PDZRN4: variants seen among roughly 807,000 people sequenced by gnomAD.
The protein encoded by PDZRN4 is PDZ domain containing ring finger 4, also known as PDZ domain-containing RING finger protein 4.
PDZRN4 carries 70 observed loss-of-function variants against 99.0 expected under a neutral mutation model. The ratio of observed to expected loss-of-function variants is 0.71; its 90% CI spans 0.58 to 0.86. The LOEUF is 0.86. Among genes scored for constraint, PDZRN4 ranks in the 40% least tolerant of loss-of-function variants. The probability of loss-of-function intolerance (pLI) is 0.00; values close to 1 mark genes in which losing one functional copy is unlikely to be tolerated. For missense variants in PDZRN4, 1,474 were observed against 1,331.2 expected (o/e 1.11, Z -1.67); for synonymous variants, 551 against 501.6 (o/e 1.10, Z -1.32).
Position 41,573,036 on chromosome 12 carries a change from G to C in PDZRN4, c.2257G>C (p.Asp753His). The C allele has an allele frequency of 5.0e-6, 8 of 1,614,106 alleles. No homozygotes were observed. Among genetic ancestry groups the C allele is most frequent in the Non-Finnish European group, 6.8e-6 (8 of 1,180,006 alleles). Reference protein sequence around the residue: ...ESCRSTPLTVDRSPDSSLPRV... With the variant: ...ESCRSTPLTVHRSPDSSLPRV... ...CTGCAGAAGTACTCCGCTCACTGTA[G>C]ACCGTTCCCCTGACAGTTCCCTTCC... The change falls in exon 10 of 10, where the codon GAC becomes CAC. Residue 753 changes from aspartate to histidine, a missense_variant. Physicochemically the swap from Asp to His is moderately conservative, Grantham distance 81. Transcript: ENST00000402685.
chr12:41,525,055 GA>G (rs1938547845), intron 5 of PDZRN4, among the ~76,000 whole-genome samples: 2 of 152,158 alleles, frequency 1.3e-5, no homozygotes, highest in Non-Finnish European at 2.9e-5. Flanking sequence ...CTGAGGGAGG[GA>G]AAGTGTGGTG....
At chr12:41,237,568 C>T (rs2120774421) in intron 3 of PDZRN4, among the ~76,000 whole-genome samples, 1 of 152,198 alleles carries the variant, frequency 6.6e-6, no homozygotes, top group South Asian at 2.1e-4. Flanking sequence ...ATGGTATTGC[C>T]TAGATTTTCT....
intron 3 of PDZRN4, among the ~76,000 whole-genome samples, chr12:41,475,932 G>C (rs1953039198): frequency 6.6e-6 from 1 of 152,064 alleles, no homozygotes; most frequent in Admixed American, 6.6e-5. Context: ...TTAAGCTATA[G>C]TTCCACATGT....
chr12:41,222,168 T>C (rs907821903), intron 3 of PDZRN4, among the ~76,000 whole-genome samples: 1 of 152,202 alleles, frequency 6.6e-6, no homozygotes, highest in East Asian at 1.9e-4. Context: ...ATGCAGACTA[T>C]CGGAAATTGT....
chr12:41,448,588 G>A (rs1313317386), intron 3 of PDZRN4, among the ~76,000 whole-genome samples: 10 of 152,120 alleles, frequency 6.6e-5, no homozygotes, highest in Non-Finnish European at 1.5e-5. Flanking sequence ...TACAAATTGA[G>A]TCAAAGAATA....
At chr12:41,502,662 C>T (rs1938131662) in intron 3 of PDZRN4, among the ~76,000 whole-genome samples, 1 of 151,980 alleles carries the variant, frequency 6.6e-6, no homozygotes, top group African/African-American at 2.4e-5. Context: ...AAATGGGACT[C>T]CTTTAATGGA....
chr12:41,362,569 T>A (rs1008263196), intron 3 of PDZRN4, among the ~76,000 whole-genome samples: 8 of 152,060 alleles, frequency 5.3e-5, no homozygotes, highest in African/African-American at 1.9e-4. Flanking sequence ...AGTAGCCTAA[T>A]GATCCTGCAA....
At chr12:41,317,569 TG>T (rs1951647047) in intron 3 of PDZRN4, among the ~76,000 whole-genome samples, 1 of 152,178 alleles carries the variant, frequency 6.6e-6, no homozygotes, top group South Asian at 2.1e-4. Flanking sequence ...ATCGTGAGAT[TG>T]TTTTTTTCCT....
chr12:41,328,768 A>G (rs535478193), intron 3 of PDZRN4, among the ~76,000 whole-genome samples: 1 of 152,238 alleles, frequency 6.6e-6, no homozygotes, highest in African/African-American at 2.4e-5. Context: ...CTGTGACTCA[A>G]AACAAACAAG....
At chr12:41,272,181 C>T (rs1374557598) in intron 3 of PDZRN4, among the ~76,000 whole-genome samples, 1 of 151,884 alleles carries the variant, frequency 6.6e-6, no homozygotes, top group Non-Finnish European at 1.5e-5. Context: ...TTTTTTCCCT[C>T]CACTAATATT....
chr12:41,248,632 TGATTGCA>T (rs1159554500), intron 3 of PDZRN4, among the ~76,000 whole-genome samples: 3 of 152,196 alleles, frequency 2.0e-5, no homozygotes, highest in Admixed American at 2.0e-4. Flanking sequence ...TTTATGTTAA[TGATTGCA>T]GTGTGCAGTT....
At chr12:41,447,786 A>C (rs751903142) in intron 3 of PDZRN4, among the ~76,000 whole-genome samples, 10 of 152,162 alleles carry the variant, frequency 6.6e-5, no homozygotes, top group East Asian at 1.9e-4. Flanking sequence ...GTACATGTTC[A>C]TTTTATTGTA....
At chr12:41,511,621 G>A (rs1396911495) in intron 5 of PDZRN4, among the ~76,000 whole-genome samples, 2 of 152,114 alleles carry the variant, frequency 1.3e-5, no homozygotes, top group East Asian at 3.9e-4. Flanking sequence ...CAACATGCAT[G>A]GTTAAAGGTG....
chr12:41,424,370 A>G (rs1952516867), intron 3 of PDZRN4, among the ~76,000 whole-genome samples: 2 of 152,160 alleles, frequency 1.3e-5, no homozygotes, highest in South Asian at 4.1e-4. Flanking sequence ...CCAAACAAAT[A>G]TTGCATATGT....
chr12:41,270,310 T>G (rs974992173), intron 3 of PDZRN4, among the ~76,000 whole-genome samples: 1 of 141,128 alleles, frequency 7.1e-6, no homozygotes, highest in East Asian at 2.0e-4. Context: ...TCTGTGTGTG[T>G]GGTGTGTGTG....
Position 41,413,952 on chromosome 12 carries a change from A to G in PDZRN4, c.844-92504A>G, listed in dbSNP as rs1237076664. On this transcript the variant is annotated intron_variant, in intron 3 of 9. Coordinates refer to ENST00000402685, the MANE Select transcript of PDZRN4 (RefSeq NM_001164595.2). ...GTGTGGTTTTGTAGTAGCAGGTATC[A>G]TTCTTTCAACTCCATGTTTAGAACT... Among the ~76,000 whole-genome samples the G allele has an allele frequency of 2.0e-5, 3 of 152,158 alleles. No individual in the cohort carries two copies. The South Asian group carries it at 6.2e-4, about 32-fold the overall frequency.
At chr12:41,337,674 T>C (rs910786887) in intron 3 of PDZRN4, among the ~76,000 whole-genome samples, 2 of 152,140 alleles carry the variant, frequency 1.3e-5, no homozygotes, top group East Asian at 1.9e-4. Flanking sequence ...TGCTAGTCTT[T>C]GTCTGAGCCA....
chr12:41,318,201 G>A (rs965724696), intron 3 of PDZRN4, among the ~76,000 whole-genome samples: 1 of 152,112 alleles, frequency 6.6e-6, no homozygotes, highest in African/African-American at 2.4e-5. Context: ...GTTTTCAGAA[G>A]ATAATCAAAA....
chr12:41,443,079 G>A (rs536978831), intron 3 of PDZRN4, among the ~76,000 whole-genome samples: 1 of 152,234 alleles, frequency 6.6e-6, no homozygotes, highest in Admixed American at 6.5e-5. Flanking sequence ...CAAAAACTCT[G>A]TGTCAGCTCT....
Sources: allele counts gnomAD v4.1 joint callset (sites outside exome capture counted in the v4.1 genomes callset), GRCh38; gene constraint gnomAD v4.1.1; transcripts MANE v1.5; gene names NCBI Gene and HGNC (gene_info 2026-07-23, HGNC 2026-07-21).